SLCO5A1: variants seen among roughly 807,000 people sequenced by gnomAD.
SLCO5A1 encodes the protein solute carrier organic anion transporter family member 5A1.
SLCO5A1 carries 39 observed loss-of-function variants against 65.1 expected under a neutral mutation model. That is an observed-to-expected ratio of 0.60 (90% CI 0.46 to 0.78). SLCO5A1 has a LOEUF of 0.78. Ranked by LOEUF, SLCO5A1 falls within the 30% of genes least tolerant of loss-of-function variation. The pLI is 0.00. For missense variants in SLCO5A1, 1,029 were observed against 1,069.4 expected (o/e 0.96, Z 0.53); for synonymous variants, 438 against 415.7 (o/e 1.05, Z -0.65).
intron 2 of SLCO5A1, among the ~76,000 whole-genome samples, chr8:69,798,205 C>A (rs1174093927): frequency 6.6e-6 from 1 of 152,184 alleles, no homozygotes; most frequent in Non-Finnish European, 1.5e-5. Context: ...CTCTTTCAAC[C>A]TCTACCTATT....
intron 2 of SLCO5A1, among the ~76,000 whole-genome samples, chr8:69,806,096 A>C (rs1819978207): frequency 6.6e-6 from 1 of 152,220 alleles, no homozygotes. Flanking sequence ...AAGGTCCATG[A>C]ATCTGCAATT....
chr8:69,769,534 A>G lies in SLCO5A1; in HGVS notation c.908-7659T>C, dbSNP rs115841283. The stretch of plus-strand genomic sequence containing the variant: ...GCTTAATATAATAAACATAGAAGAA[A>G]TATTAAGTTGGATTTTTATGTTGAA... On this transcript the variant is annotated intron_variant, in intron 2 of 9. Transcript: ENST00000260126. 7.1e-3 allele frequency among the ~76,000 whole-genome samples: 1,081 copies of G among 152,326 alleles called. 11 individuals are homozygous for G. The highest frequency in any genetic ancestry group is 0.025 in the African/African-American group (1,035 of 41,566).
rs376766213 is a variant in SLCO5A1, at chr8:69,673,174, C to A, written c.2242G>T (p.Val748Phe). The change falls in exon 10 of 10, where the codon GTT becomes TTT. Residue 748 changes from valine to phenylalanine, a missense_variant. Val to Phe is a conservative substitution (Grantham distance 50, BLOSUM62 -1). Coordinates refer to ENST00000260126, the MANE Select transcript of SLCO5A1 (RefSeq NM_030958.3). ...GCCAGAAAAATAAAAATAAACCCAA[C>A]GAATTTGAGGCCGGCAGCCAAACCA... ...YFGLAAGLKF[V>F]GFIFIFLAWY... 1.7e-5 allele frequency: 28 copies of A among 1,614,174 alleles called. No individual in the cohort carries two copies. The highest frequency in any genetic ancestry group is 2.3e-5 in the Non-Finnish European group (27 of 1,180,026).
At chr8:69,822,464 A>C (rs1820690114) in intron 2 of SLCO5A1, among the ~76,000 whole-genome samples, 1 of 152,240 alleles carries the variant, frequency 6.6e-6, no homozygotes, top group South Asian at 2.1e-4. Context: ...CACTGATCAA[A>C]ATGTTCCTGT....
chr8:69,804,724 G>C (rs1325297117), intron 2 of SLCO5A1, among the ~76,000 whole-genome samples: 1 of 152,160 alleles, frequency 6.6e-6, no homozygotes, highest in Non-Finnish European at 1.5e-5. Context: ...TTGGTAATCT[G>C]TTTTGGTTAT....
chr8:69,770,578 G>T (rs1818277487), intron 2 of SLCO5A1, among the ~76,000 whole-genome samples: 1 of 152,056 alleles, frequency 6.6e-6, no homozygotes, highest in South Asian at 2.1e-4. Flanking sequence ...GAGTTAAGAA[G>T]CCACTTATGA....
intron 2 of SLCO5A1, among the ~76,000 whole-genome samples, chr8:69,813,739 C>A (rs932911057): frequency 1.3e-5 from 2 of 152,136 alleles, no homozygotes; most frequent in Non-Finnish European, 2.9e-5. Context: ...TCGGACTGAA[C>A]AAAGCACAGA....
intron 4 of SLCO5A1, among the ~76,000 whole-genome samples, chr8:69,743,926 T>C (rs183982858): frequency 2.0e-4 from 31 of 152,014 alleles, no homozygotes; most frequent in Non-Finnish European, 3.8e-4. Context: ...AAGATTTGAG[T>C]GAGAGACAAA....
intron 2 of SLCO5A1, among the ~76,000 whole-genome samples, chr8:69,769,319 ACAGACTT>A (rs11278406): frequency 0.25 from 37,905 of 151,712 alleles, 6,402 homozygotes; most frequent in African/African-American, 0.48. Flanking sequence ...GCTAGGTTAG[ACAGACTT>A]CAGACTTTGA....
At chr8:69,781,694 G>A (rs1299655862) in intron 2 of SLCO5A1, among the ~76,000 whole-genome samples, 1 of 151,540 alleles carries the variant, frequency 6.6e-6, no homozygotes. Context: ...TTTCACTCTT[G>A]TTGCCCAGGC....
At chr8:69,674,527 G>A (rs1472519069) in intron 9 of SLCO5A1, among the ~76,000 whole-genome samples, 1 of 151,954 alleles carries the variant, frequency 6.6e-6, no homozygotes, top group Non-Finnish European at 1.5e-5. Context: ...AATGAAAATT[G>A]GCTTGTTGGC....
intron 2 of SLCO5A1, chr8:69,794,249 T>A: frequency 2.1e-6 from 1 of 473,744 alleles, no homozygotes; most frequent in Admixed American, 2.3e-5. Flanking sequence ...GTCAAAAGCT[T>A]CCACCAGAAT....
rs757355142 is a variant in SLCO5A1 at position 69,682,181 on chromosome 8, C to T, written c.1782+3G>A. ...AGAAGAGGAACTTGTGAAATATACT[C>T]ACCCCAGTGCTAAGATTACCACTAT... On this transcript the variant is annotated splice_donor_region_variant and intron_variant, in intron 7 of 9. Coordinates refer to ENST00000260126, the MANE Select transcript of SLCO5A1 (RefSeq NM_030958.3). The T allele has an allele frequency of 3.1e-6, 5 of 1,603,856 alleles. No homozygotes were observed. Among genetic ancestry groups the T allele is most frequent in the Non-Finnish European group, 4.3e-6 (5 of 1,176,098 alleles).
intron 5 of SLCO5A1, among the ~76,000 whole-genome samples, chr8:69,710,336 A>G (rs1431698870): frequency 6.6e-6 from 1 of 152,140 alleles, no homozygotes; most frequent in Non-Finnish European, 1.5e-5. Flanking sequence ...GCCCTTTTAC[A>G]GATGAGGAGA....
In SLCO5A1 at chr8:69,832,870, A is replaced by G; in HGVS notation, c.-197T>C. 1 of 633,348 alleles carries G rather than the reference A, an allele frequency of 1.6e-6. No homozygotes were observed. The highest frequency in any genetic ancestry group is 2.0e-5 in the South Asian group (1 of 50,458). The allele number at this position is 633,348 out of a possible 1,614,324, so 39.2% of individuals were successfully genotyped here. A position where few individuals can be genotyped will look rare whatever the true frequency, so the allele number is the denominator to read the frequency against. On this transcript the variant is annotated 5_prime_UTR_variant, in exon 2 of 10. Transcript: ENST00000260126. This position sits in a 1 kb window ranked among gnomAD's most constrained non-coding sequence, Gnocchi z 4.5. Reference sequence around the variant, plus strand: ...GCATCCTGATCACAGACACGGCTTCAAGGCTCCGCAGCCGCGTGCCACAGG... The same window carrying G: ...GCATCCTGATCACAGACACGGCTTCGAGGCTCCGCAGCCGCGTGCCACAGG...
chr8:69,719,164 G>A (rs1815702357), intron 5 of SLCO5A1, among the ~76,000 whole-genome samples: 2 of 152,182 alleles, frequency 1.3e-5, no homozygotes, highest in African/African-American at 2.4e-5. Context: ...GAATAAGATA[G>A]CTTAAGCCAG....
At chr8:69,722,255 A>C (rs1486042061) in intron 5 of SLCO5A1, among the ~76,000 whole-genome samples, 1 of 152,186 alleles carries the variant, frequency 6.6e-6, no homozygotes, top group Non-Finnish European at 1.5e-5. Flanking sequence ...CAAGATTACC[A>C]ACAACAACCT....
chr8:69,760,007 G>T (rs1817696575), intron 3 of SLCO5A1, among the ~76,000 whole-genome samples: 1 of 152,082 alleles, frequency 6.6e-6, no homozygotes, highest in African/African-American at 2.4e-5. Flanking sequence ...TCAAAAGATG[G>T]CATAAAGCAC....
At chr8:69,740,556 C>T in intron 4 of SLCO5A1, among the ~76,000 whole-genome samples, 1 of 152,046 alleles carries the variant, frequency 6.6e-6, no homozygotes, top group East Asian at 1.9e-4. Flanking sequence ...GGTCCTTCTC[C>T]GTCTGCTCAC....
Sources: gnomAD v4.1 joint callset for allele counts (sites outside exome capture counted in the v4.1 genomes callset) on GRCh38, gnomAD v4.1.1 for gene constraint, Gnocchi (gnomAD v3.1) non-coding constraint, MANE v1.5 for transcripts, NCBI Gene and HGNC (gene_info 2026-07-23, HGNC 2026-07-21) for gene names.